Variants in CPA6 observed in about 807,000 individuals in gnomAD.
CPA6 encodes the protein carboxypeptidase B.
Under a neutral mutation model 63.3 loss-of-function variants are expected in CPA6, and 58 were observed. That is an observed-to-expected ratio of 0.92 (90% CI 0.74 to 1.14). The LOEUF is 1.14. Among genes scored for constraint, CPA6 ranks in the 50% most tolerant of loss-of-function variants. The pLI, the probability that CPA6 is intolerant of heterozygous loss-of-function variation, is 0.00. For missense variants in CPA6, 565 were observed against 526.6 expected, an observed-to-expected ratio of 1.07 and a Z score of -0.71; for synonymous variants, 185 against 179.0, an observed-to-expected ratio of 1.03 and a Z score of -0.27.
At chr8:67,494,098 A>T (rs1395407284) in intron 6 of CPA6, among the ~76,000 whole-genome samples, 2 of 152,210 alleles carry the variant, frequency 1.3e-5, no homozygotes, top group Non-Finnish European at 2.9e-5. Context: ...AAGAAAATAA[A>T]AATTACCCAT....
At chr8:67,742,989 A>T (rs1287278774) in intron 1 of CPA6, among the ~76,000 whole-genome samples, 3 of 152,048 alleles carry the variant, frequency 2.0e-5, no homozygotes, top group African/African-American at 7.3e-5. Context: ...TCAATATCAC[A>T]GCATAATAAA....
intron 1 of CPA6, among the ~76,000 whole-genome samples, chr8:67,654,859 G>A (rs934387278): frequency 9.9e-5 from 15 of 152,210 alleles, no homozygotes; most frequent in Admixed American, 5.2e-4. Context: ...GATGATAGGT[G>A]GCCAGATTTG....
intron 2 of CPA6, among the ~76,000 whole-genome samples, chr8:67,574,393 A>G (rs1813570068): frequency 3.3e-5 from 5 of 150,262 alleles, no homozygotes; most frequent in African/African-American, 7.4e-5. Flanking sequence ...AAAAAAAAAA[A>G]GCAAATTGAA....
At chr8:67,426,771 A>C (rs1587411701) in intron 10 of CPA6, among the ~76,000 whole-genome samples, 1 of 152,180 alleles carries the variant, frequency 6.6e-6, no homozygotes, top group East Asian at 1.9e-4. Context: ...TCATTTGCAC[A>C]CACCGACATT....
chr8:67,632,665 T>A (rs1162953178), intron 1 of CPA6, among the ~76,000 whole-genome samples: 4 of 152,174 alleles, frequency 2.6e-5, no homozygotes, highest in Admixed American at 2.6e-4. Context: ...TAGTTGACAA[T>A]TGAGTTTTTA....
At chr8:67,466,890 C>G (rs1810938576) in intron 8 of CPA6, among the ~76,000 whole-genome samples, 1 of 152,146 alleles carries the variant, frequency 6.6e-6, no homozygotes, top group Non-Finnish European at 1.5e-5. Context: ...ACACACATAT[C>G]TGTCACGTAT....
chr8:67,576,927 ATCTCAGCTCAC>A (rs1813641778), intron 2 of CPA6, among the ~76,000 whole-genome samples: 2 of 150,790 alleles, frequency 1.3e-5, no homozygotes, highest in African/African-American at 2.4e-5. Context: ...CGGTGGCACG[ATCTCAGCTCAC>A]TGCAACCTTC....
chr8:67,713,638 G>A (rs551966411), intron 1 of CPA6, among the ~76,000 whole-genome samples: 120 of 151,386 alleles, frequency 7.9e-4, no homozygotes, highest in African/African-American at 2.9e-3. Flanking sequence ...GTTTATAGGC[G>A]GCCTGGGAAT....
At chr8:67,531,148 C>T (rs969250558) in intron 2 of CPA6, among the ~76,000 whole-genome samples, 1 of 151,810 alleles carries the variant, frequency 6.6e-6, no homozygotes, top group Non-Finnish European at 1.5e-5. Context: ...TGATGTAGTT[C>T]TCAATGTATG....
chr8:67,594,074 G>C (rs1400097105), intron 2 of CPA6, among the ~76,000 whole-genome samples: 1 of 151,884 alleles, frequency 6.6e-6, no homozygotes. Context: ...TGTAGGGCAG[G>C]CCTGGTGGTG....
intron 2 of CPA6, among the ~76,000 whole-genome samples, chr8:67,566,982 A>C (rs571807772): frequency 5.3e-5 from 8 of 152,234 alleles, no homozygotes; most frequent in Non-Finnish European, 1.2e-4. Context: ...GTGACCTGGC[A>C]TGAAAAGGCA....
At chr8:67,450,880 G>A (rs1286963829) in intron 8 of CPA6, among the ~76,000 whole-genome samples, 1 of 152,220 alleles carries the variant, frequency 6.6e-6, no homozygotes, top group Non-Finnish European at 1.5e-5. Context: ...GAGTGGCAGA[G>A]TAGAGAATAT....
chr8:67,437,790 A>C (rs1810195440), intron 8 of CPA6, among the ~76,000 whole-genome samples: 1 of 152,220 alleles, frequency 6.6e-6, no homozygotes, highest in South Asian at 2.1e-4. Context: ...AAAATGACAG[A>C]AAAATGAAAG....
At chr8:67,521,362 T>A (rs2089045) in intron 2 of CPA6, among the ~76,000 whole-genome samples, 2 of 152,142 alleles carry the variant, frequency 1.3e-5, no homozygotes, top group African/African-American at 4.8e-5. Flanking sequence ...CATTGGCTAT[T>A]TGACTTTGGG....
chr8:67,496,519 T>TTTTA (rs1483713208), intron 6 of CPA6, among the ~76,000 whole-genome samples: 150 of 94,118 alleles, frequency 1.6e-3, no homozygotes, highest in African/African-American at 3.9e-3. Flanking sequence ...ACTATATAGT[T>TTTTA]TATATATATA....
chr8:67,715,622 C>T (rs1294075590), intron 1 of CPA6, among the ~76,000 whole-genome samples: 3 of 152,228 alleles, frequency 2.0e-5, no homozygotes, highest in Non-Finnish European at 4.4e-5. Flanking sequence ...AAAATGTCCT[C>T]TGTTGCTCAT....
chr8:67,665,249 C>T (rs1299940516), intron 1 of CPA6, among the ~76,000 whole-genome samples: 2 of 152,198 alleles, frequency 1.3e-5, no homozygotes, highest in East Asian at 1.9e-4. Flanking sequence ...TGTTCCATTA[C>T]GTTTGTCTTC....
chr8:67,597,126 A>G (rs781205357), intron 2 of CPA6, among the ~76,000 whole-genome samples: 10 of 151,306 alleles, frequency 6.6e-5, no homozygotes, highest in Admixed American at 4.6e-4. Context: ...ACTTCTTCAG[A>G]TACTTCTTTT....
intron 1 of CPA6, among the ~76,000 whole-genome samples, chr8:67,734,584 T>A (rs943913020): frequency 1.3e-5 from 2 of 152,238 alleles, no homozygotes; most frequent in Non-Finnish European, 2.9e-5. Flanking sequence ...TTTTCTGCCC[T>A]GTAAGTCGAG....
Sources: gnomAD v4.1 joint callset for allele counts (sites outside exome capture counted in the v4.1 genomes callset) on GRCh38, gnomAD v4.1.1 for gene constraint, MANE v1.5 for transcripts, NCBI Gene and HGNC (gene_info 2026-07-23, HGNC 2026-07-21) for gene names.